Variants in ANKHD1 observed in about 807,000 individuals in gnomAD.
ANKHD1 encodes ankyrin repeat and KH domain-containing protein 1.
A neutral mutation model predicts 230.5 loss-of-function variants in ANKHD1; 31 were observed. The observed-to-expected ratio is 0.13, with a 90% CI of 0.10 to 0.18. The LOEUF (loss-of-function observed/expected upper bound fraction) is 0.18. Among genes scored for constraint, ANKHD1 ranks in the 10% least tolerant of loss-of-function variants. The pLI, the probability that ANKHD1 is intolerant of heterozygous loss-of-function variation, is 1.00. For synonymous variants in ANKHD1, 1,074 were observed against 1,117.6 expected (o/e 0.96, Z 0.78); for missense variants, 2,256 against 3,071.3 (o/e 0.73, Z 6.27).
intron 1 of ANKHD1, among the ~76,000 whole-genome samples, chr5:140,435,666 A>G (rs1476670667): frequency 6.6e-6 from 1 of 151,988 alleles, no homozygotes; most frequent in East Asian, 1.9e-4. Context: ...GGTGTGAGCC[A>G]CTGCGCCCAG....
chr5:140,531,379 G>T (rs1013740196), intron 29 of ANKHD1: 1 of 346,658 alleles, frequency 2.9e-6, no homozygotes, highest in African/African-American at 2.3e-5. Flanking sequence ...TCAGGAGTTT[G>T]AGACAAGCCT....
rs1012967614 is a variant in ANKHD1 at position 140,411,920 on chromosome 5, C to T, written c.306+9647C>T. On this transcript the variant is annotated intron_variant, in intron 1 of 33. Coordinates refer to ENST00000360839, the MANE Select transcript of ANKHD1 (RefSeq NM_017747.3). ...AGTGCAGTGGCTCACGATCGTATGG[C>T]GCAATCACGGCTCAGGCAGCCTTGA... is the stretch of plus-strand genomic sequence containing the variant. Among the ~76,000 whole-genome samples the T allele has an allele frequency of 1.6e-4, 24 of 151,414 alleles. 1 individual carries two copies. Among genetic ancestry groups the T allele is most frequent in the Non-Finnish European group, 5.9e-5 (4 of 67,938 alleles).
In ANKHD1 at chr5:140,507,700, TA is replaced by T; in HGVS notation, c.3552-84del. 6.7e-7 allele frequency: 1 copy of T among 1,481,514 alleles called. No individual in the cohort carries two copies. The highest frequency in any genetic ancestry group is 1.3e-5 in the South Asian group (1 of 75,610). 91.8% of individuals were successfully genotyped at this position (1,481,514 alleles called of 1,614,324 possible). ...CATTGATGTTAGAAACCTCTCTTTT[TA>T]GTGAAACCTTTTCATCTTTAATGCT... is the stretch of plus-strand genomic sequence containing the variant. On this transcript the variant is annotated intron_variant, in intron 19 of 33. Transcript: ENST00000360839. This position sits in a 1 kb window ranked among gnomAD's most constrained non-coding sequence, Gnocchi z 4.1.
At chr5:140,413,730 C>T (rs1771121767) in intron 1 of ANKHD1, among the ~76,000 whole-genome samples, 1 of 151,982 alleles carries the variant, frequency 6.6e-6, no homozygotes, top group African/African-American at 2.4e-5. Context: ...TATATGTACA[C>T]ACATGCACAC....
intron 24 of ANKHD1, among the ~76,000 whole-genome samples, chr5:140,518,216 C>T (rs1753136332): frequency 6.6e-6 from 1 of 152,052 alleles, no homozygotes; most frequent in Admixed American, 6.6e-5. Context: ...TCGACACATA[C>T]ACTCTCCCAA....
intron 9 of ANKHD1, among the ~76,000 whole-genome samples, chr5:140,463,535 C>A (rs1459069636): frequency 6.6e-6 from 1 of 152,156 alleles, no homozygotes; most frequent in Middle Eastern, 3.2e-3. Context: ...TTTAGTTGGT[C>A]AGGGCTGGGG....
chr5:140,539,748 G>A lies in ANKHD1; in HGVS notation c.*330G>A, dbSNP rs1754219159. The stretch of plus-strand genomic sequence containing the variant: ...GTATAATTGTTTACATACTTAAAAG[G>A]AAAAAGTTGAGTAAATTTCTTGTCA... On this transcript the variant is annotated 3_prime_UTR_variant, in exon 34 of 34. Coordinates refer to ENST00000360839, the MANE Select transcript of ANKHD1 (RefSeq NM_017747.3). 5.3e-6 allele frequency: 1 copy of A among 188,780 alleles called. No individual in the cohort carries two copies. Among genetic ancestry groups the A allele is most frequent in the Middle Eastern group, 2.3e-3 (1 of 444 alleles). The allele number at this position is 188,780 out of a possible 1,614,324, so 11.7% of individuals were successfully genotyped here. A position where few individuals can be genotyped will look rare whatever the true frequency, so the allele number is the denominator to read the frequency against.
intron 14 of ANKHD1, among the ~76,000 whole-genome samples, chr5:140,495,436 G>A (rs1359043548): frequency 1.3e-5 from 2 of 151,920 alleles, no homozygotes; most frequent in Admixed American, 6.6e-5. Flanking sequence ...TAGTAGAGAC[G>A]GGGTTTCACC....
intron 1 of ANKHD1, among the ~76,000 whole-genome samples, chr5:140,417,774 A>G (rs1177139824): frequency 6.7e-6 from 1 of 150,134 alleles, no homozygotes; most frequent in Non-Finnish European, 1.5e-5. Flanking sequence ...TTATTGTGAT[A>G]TAATTTCAAA....
Position 140,539,797 on chromosome 5 carries a change from C to A in ANKHD1, c.*379C>A. 1 of 166,116 alleles carries A rather than the reference C, an allele frequency of 6.0e-6. No homozygotes were observed. The allele number at this position is 166,116 out of a possible 1,614,324, so 10.3% of individuals were successfully genotyped here. ...CATATAGTGGCTCTACGTAATGTAG[C>A]CTGTATTAATGTGAAATATTTACCA... On this transcript the variant is annotated 3_prime_UTR_variant, in exon 34 of 34. Coordinates refer to ENST00000360839, the MANE Select transcript of ANKHD1 (RefSeq NM_017747.3).
intron 24 of ANKHD1, among the ~76,000 whole-genome samples, chr5:140,513,991 G>A (rs1213699152): frequency 4.0e-5 from 6 of 151,542 alleles, no homozygotes; most frequent in Admixed American, 3.3e-4. Flanking sequence ...ACTCTAGCCT[G>A]GGTGACAGAG....
intron 26 of ANKHD1, 124 bp downstream of exon 26, chr5:140,526,567 A>T: frequency 8.0e-7 from 1 of 1,250,974 alleles, no homozygotes; most frequent in South Asian, 1.7e-5. Flanking sequence ...CACATTATCT[A>T]TCTTCAATAT....
At chr5:140,419,260 T>TGAATTG (rs1171696881) in intron 1 of ANKHD1, among the ~76,000 whole-genome samples, 1 of 152,062 alleles carries the variant, frequency 6.6e-6, no homozygotes, top group East Asian at 1.9e-4. Context: ...ATTGGTCATA[T>TGAATTG]GTATATCTTT....
intron 15 of ANKHD1, among the ~76,000 whole-genome samples, chr5:140,497,505 A>G (rs1284073977): frequency 6.6e-6 from 1 of 152,236 alleles, no homozygotes; most frequent in Non-Finnish European, 1.5e-5. Flanking sequence ...GCAAAGAAAT[A>G]AAGTTGCCAC....
intron 1 of ANKHD1, among the ~76,000 whole-genome samples, chr5:140,431,596 G>A (rs2126899514): frequency 6.6e-6 from 1 of 152,234 alleles, no homozygotes; most frequent in East Asian, 1.9e-4. Context: ...TTTGTTTATT[G>A]AGGAAGAAAT....
At chr5:140,531,007 A>G (rs560068983) in intron 29 of ANKHD1, among the ~76,000 whole-genome samples, 3 of 152,254 alleles carry the variant, frequency 2.0e-5, no homozygotes, top group African/African-American at 4.8e-5. Flanking sequence ...ATGACTATCT[A>G]TGGTCCAAAA....
intron 25 of ANKHD1, among the ~76,000 whole-genome samples, chr5:140,525,354 C>T (rs1461643032): frequency 6.6e-6 from 1 of 151,880 alleles, no homozygotes. Context: ...CCTCTGCCCC[C>T]CAGGTTCAGG....
chr5:140,519,883 C>G (rs1409395191), intron 24 of ANKHD1, among the ~76,000 whole-genome samples: 3 of 151,944 alleles, frequency 2.0e-5, no homozygotes, highest in African/African-American at 7.3e-5. Context: ...GACCTCATGT[C>G]TAAAACACCA....
chr5:140,491,139 C>CATATAT (rs1193439242), intron 14 of ANKHD1, among the ~76,000 whole-genome samples: 2 of 56,366 alleles, frequency 3.5e-5, no homozygotes, highest in Non-Finnish European at 3.3e-5. Flanking sequence ...TATATATACA[C>CATATAT]ATATATATAT....
Sources: gnomAD v4.1 joint callset for allele counts (sites outside exome capture counted in the v4.1 genomes callset) on GRCh38, gnomAD v4.1.1 for gene constraint, Gnocchi (gnomAD v3.1) non-coding constraint, MANE v1.5 for transcripts, NCBI Gene and HGNC (gene_info 2026-07-23, HGNC 2026-07-21) for gene names.